Variants in SLC35F4 observed in about 807,000 individuals in gnomAD.
SLC35F4 encodes the protein solute carrier family 35 member F4.
SLC35F4 carries 24 observed loss-of-function variants against 44.2 expected under a neutral mutation model. That is an observed-to-expected ratio of 0.54 (90% CI 0.39 to 0.76). The LOEUF is 0.76. Ranked by LOEUF, SLC35F4 falls within the 30% of genes least tolerant of loss-of-function variation. The pLI is 0.00. For synonymous variants in SLC35F4, 238 were observed against 223.6 expected, an observed-to-expected ratio of 1.06 and a Z score of -0.57; for missense variants, 562 against 586.1, an observed-to-expected ratio of 0.96 and a Z score of 0.42.
At chr14:57,836,203 C>T (rs1006124687) in intron 1 of SLC35F4, among the ~76,000 whole-genome samples, 3 of 152,280 alleles carry the variant, frequency 2.0e-5, no homozygotes, top group South Asian at 2.1e-4. Flanking sequence ...CCATATTATT[C>T]TTATTTGCTT....
At chr14:57,751,853 T>C (rs988050499) in intron 1 of SLC35F4, among the ~76,000 whole-genome samples, 2 of 152,170 alleles carry the variant, frequency 1.3e-5, no homozygotes, top group South Asian at 2.1e-4. Flanking sequence ...ATTTTTAATG[T>C]CAATATGGAA....
At chr14:57,971,946 T>C (rs1004006165), downstream of SLC35F4, among the ~76,000 whole-genome samples, 13 of 152,194 alleles carry the variant, frequency 8.5e-5, no homozygotes, top group African/African-American at 2.7e-4. Context: ...GGAAAAACCA[T>C]GGGAGAGTCT....
At chr14:57,643,944 A>G (rs1388518775) in intron 1 of SLC35F4, among the ~76,000 whole-genome samples, 1 of 152,204 alleles carries the variant, frequency 6.6e-6, no homozygotes, top group Non-Finnish European at 1.5e-5. Context: ...AAAGGACATG[A>G]ACTCATCCTT....
intron 1 of SLC35F4, among the ~76,000 whole-genome samples, chr14:57,705,628 T>G (rs2140380995): frequency 6.6e-6 from 1 of 152,264 alleles, no homozygotes; most frequent in Middle Eastern, 3.4e-3. Flanking sequence ...CCCAGCTTGC[T>G]CAGGGTTTGG....
chr14:57,576,230 C>A (rs1305406676), intron 4 of SLC35F4, among the ~76,000 whole-genome samples: 1 of 152,134 alleles, frequency 6.6e-6, no homozygotes, highest in Non-Finnish European at 1.5e-5. Context: ...TTTTAAAGGT[C>A]AAGATGACTG....
chr14:57,815,190 G>A (rs1882424529), intron 1 of SLC35F4, among the ~76,000 whole-genome samples: 1 of 152,144 alleles, frequency 6.6e-6, no homozygotes. Context: ...AAAAGTCACG[G>A]ATACCAACAT....
intron 1 of SLC35F4, among the ~76,000 whole-genome samples, chr14:57,954,021 T>C (rs190618909): frequency 6.6e-6 from 1 of 152,178 alleles, no homozygotes; most frequent in African/African-American, 2.4e-5. Context: ...GACCACATAA[T>C]TGGAAGGAAA....
At chr14:57,739,955 G>T (rs1294748421) in intron 1 of SLC35F4, among the ~76,000 whole-genome samples, 2 of 152,160 alleles carry the variant, frequency 1.3e-5, no homozygotes, top group Admixed American at 6.5e-5. Context: ...TGCCTGCGGG[G>T]TTCAAGCAAT....
At chr14:57,883,747 G>C (rs1888591117) in intron 1 of SLC35F4, among the ~76,000 whole-genome samples, 1 of 152,118 alleles carries the variant, frequency 6.6e-6, no homozygotes. Context: ...TGTACAGGCA[G>C]GGCTGAGATG....
intron 1 of SLC35F4, among the ~76,000 whole-genome samples, chr14:57,950,687 T>TTTTTTTTTGG (rs1890120928): frequency 6.6e-6 from 1 of 150,622 alleles, no homozygotes. Flanking sequence ...TTTTTTTTTT[T>TTTTTTTTTGG]GAGACAGAGT....
chr14:57,739,049 G>C (rs903352470), intron 1 of SLC35F4, among the ~76,000 whole-genome samples: 12 of 152,142 alleles, frequency 7.9e-5, no homozygotes, highest in African/African-American at 2.6e-4. Flanking sequence ...CTTTGTGTGT[G>C]TGTGACATCA....
At chr14:57,896,425 T>C (rs1888870591) in intron 1 of SLC35F4, among the ~76,000 whole-genome samples, 1 of 152,174 alleles carries the variant, frequency 6.6e-6, no homozygotes, top group South Asian at 2.1e-4. Flanking sequence ...AAGATCAAAA[T>C]GCGTTTTCAT....
At chr14:57,785,375 A>G (rs541204955) in intron 1 of SLC35F4, among the ~76,000 whole-genome samples, 1 of 152,318 alleles carries the variant, frequency 6.6e-6, no homozygotes, top group South Asian at 2.1e-4. Context: ...TTCCCCTGAC[A>G]ATGAAATGAG....
chr14:57,606,406 A>G (rs1461040648), intron 1 of SLC35F4, among the ~76,000 whole-genome samples: 3 of 152,222 alleles, frequency 2.0e-5, no homozygotes, highest in African/African-American at 4.8e-5. Context: ...TATGCTTGAA[A>G]TAATATCTTA....
intron 1 of SLC35F4, among the ~76,000 whole-genome samples, chr14:57,967,188 T>C (rs1167038409): frequency 6.6e-6 from 1 of 152,176 alleles, no homozygotes; most frequent in East Asian, 1.9e-4. Flanking sequence ...AATCCAATCA[T>C]TAGGTAGCCT....
chr14:57,580,723 C>T, intron 4 of SLC35F4, among the ~76,000 whole-genome samples: 1 of 151,978 alleles, frequency 6.6e-6, no homozygotes, highest in East Asian at 1.9e-4. Flanking sequence ...GATATATAGT[C>T]ACTTTTAACA....
chr14:57,802,085 A>G (rs1181024652), intron 1 of SLC35F4, among the ~76,000 whole-genome samples: 1 of 152,188 alleles, frequency 6.6e-6, no homozygotes, highest in Non-Finnish European at 1.5e-5. Flanking sequence ...TGGAAGTAAA[A>G]CACTCCTCAG....
chr14:57,808,958 A>T (rs566308768), intron 1 of SLC35F4, among the ~76,000 whole-genome samples: 1 of 152,312 alleles, frequency 6.6e-6, no homozygotes, highest in Non-Finnish European at 1.5e-5. Context: ...CCAGAGCAGA[A>T]ATCTACAGGA....
chr14:57,749,280 G>A (rs2076828991), intron 1 of SLC35F4, among the ~76,000 whole-genome samples: 2 of 152,084 alleles, frequency 1.3e-5, no homozygotes, highest in African/African-American at 4.8e-5. Flanking sequence ...GGACAGGACA[G>A]TGCCACCCAA....
Sources: gnomAD v4.1 joint callset for allele counts (sites outside exome capture counted in the v4.1 genomes callset) on GRCh38, gnomAD v4.1.1 for gene constraint, MANE v1.5 for transcripts, NCBI Gene and HGNC (gene_info 2026-07-23, HGNC 2026-07-21) for gene names.